TSPAN3: variants seen among roughly 807,000 people sequenced by gnomAD.
TSPAN3 encodes the protein tetraspanin-3.
TSPAN3 carries 9 observed loss-of-function variants against 31.1 expected under a neutral mutation model. That is an observed-to-expected ratio of 0.29 (90% CI 0.17 to 0.50). The LOEUF is 0.50. Among genes scored for constraint, TSPAN3 ranks in the 20% least tolerant of loss-of-function variants. The pLI, the probability that TSPAN3 is intolerant of heterozygous loss-of-function variation, is 0.98. For missense variants in TSPAN3, 252 were observed against 313.5 expected, an observed-to-expected ratio of 0.80 and a Z score of 1.48; for synonymous variants, 129 against 114.3, an observed-to-expected ratio of 1.13 and a Z score of -0.82.
intron 1 of TSPAN3, among the ~76,000 whole-genome samples, chr15:77,062,968 T>C (rs934237847): frequency 6.3e-4 from 96 of 152,344 alleles, no homozygotes; most frequent in African/African-American, 2.2e-3. Flanking sequence ...TTATGGGTGA[T>C]ACCAGTTTGC....
At chr15:77,055,977 G>T (rs1170715084) in intron 2 of TSPAN3, 87 bp downstream of exon 2, 3 of 1,518,182 alleles carry the variant, frequency 2.0e-6, no homozygotes, top group Non-Finnish European at 2.7e-6. Flanking sequence ...TGTTAACTCT[G>T]TTCCAACTAT....
chr15:77,051,947 G>A (rs1311120485), intron 6 of TSPAN3, among the ~76,000 whole-genome samples: 1 of 151,886 alleles, frequency 6.6e-6, no homozygotes, highest in East Asian at 1.9e-4. Context: ...AAACCTGTGA[G>A]GACAGAAAAA....
intron 1 of TSPAN3, among the ~76,000 whole-genome samples, chr15:77,060,709 G>T (rs1207799203): frequency 6.6e-6 from 1 of 152,130 alleles, no homozygotes; most frequent in Admixed American, 6.5e-5. Context: ...GAGGGGGCTG[G>T]GGAGGAGGGA....
chr15:77,055,692 G>C, intron 3 of TSPAN3, 97 bp downstream of exon 3: 1 of 984,500 alleles, frequency 1.0e-6, no homozygotes, highest in Non-Finnish European at 1.5e-6. Flanking sequence ...TAAGGCAAAA[G>C]AAAATGTTTA....
In TSPAN3 at chr15:77,071,042, G is replaced by C; in HGVS notation, c.-88C>G. On this transcript the variant is annotated 5_prime_UTR_variant, in exon 1 of 7. Transcript: ENST00000267970. ...AATGGCGGCGGCGCCTCCTCGCTAGGAACTGCACGGCCTGCGCGGCGCTCC... is the reference window on the plus strand; with the variant it reads ...AATGGCGGCGGCGCCTCCTCGCTAGCAACTGCACGGCCTGCGCGGCGCTCC... 1 of 955,506 alleles carries C rather than the reference G, an allele frequency of 1.0e-6. No homozygotes were observed. Among genetic ancestry groups the C allele is most frequent in the South Asian group, 2.7e-5 (1 of 36,478 alleles). 59.2% of individuals were successfully genotyped at this position (955,506 alleles called of 1,614,324 possible). A position where few individuals can be genotyped will look rare whatever the true frequency, so the allele number is the denominator to read the frequency against.
In TSPAN3 at chr15:77,044,897, T is replaced by C. The variant is rs1568536164; in HGVS notation, c.*1938A>G. On this transcript the variant is annotated 3_prime_UTR_variant, in exon 7 of 7. Transcript: ENST00000267970. The stretch of plus-strand genomic sequence containing the variant: ...TGGTAGTGAAAGGTCACAAACATTC[T>C]TGCCCACTGTGCAACAGGCAGGGGC... 1 of 152,150 alleles carries C rather than the reference T, an allele frequency of 6.6e-6. No individual in the cohort carries two copies. Among genetic ancestry groups the C allele is most frequent in the Non-Finnish European group, 1.5e-5 (1 of 68,056 alleles). The allele number at this position is 152,150 out of a possible 1,614,324, so 9.4% of individuals were successfully genotyped here.
In TSPAN3 at chr15:77,061,974, T is replaced by G. The variant is rs573181334; in HGVS notation, c.64-5719A>C. 7.9e-5 allele frequency among the ~76,000 whole-genome samples: 12 copies of G among 152,262 alleles called. No homozygotes were observed. The South Asian group carries it at 2.5e-3, about 32-fold the overall frequency. On this transcript the variant is annotated intron_variant, in intron 1 of 6. Transcript: ENST00000267970. ...AGTAAAGTAGAAGTGACTGGAGTGT[T>G]GAGAGAAAGGAAAAAAGTCAAGAAG...
chr15:77,053,857 A>ACT (rs2076750013), intron 4 of TSPAN3, among the ~76,000 whole-genome samples: 1 of 151,960 alleles, frequency 6.6e-6, no homozygotes, highest in Admixed American at 6.6e-5. Flanking sequence ...CCTCCCCTGG[A>ACT]GTCAATCTGG....
rs2076660042 is a variant in TSPAN3 at position 77,041,477 on chromosome 15, C to T, written c.*5358G>A. 6.6e-6 allele frequency: 1 copy of T among 151,720 alleles called. No homozygotes were observed. The highest frequency in any genetic ancestry group is 1.5e-5 in the Non-Finnish European group (1 of 67,992). The allele number at this position is 151,720 out of a possible 1,614,324, so 9.4% of individuals were successfully genotyped here. ...CTCGGCTCACTGCAACCTCTGCCTC[C>T]CGGTTCAAGCGATTCTCCTGCCTCA... is the stretch of plus-strand genomic sequence containing the variant. On this transcript the variant is annotated 3_prime_UTR_variant, in exon 7 of 7. Coordinates refer to ENST00000267970, the MANE Select transcript of TSPAN3 (RefSeq NM_005724.6).
intron 1 of TSPAN3, among the ~76,000 whole-genome samples, chr15:77,070,508 T>C (rs866321013): frequency 6.6e-6 from 1 of 151,966 alleles, no homozygotes; most frequent in African/African-American, 2.4e-5. Flanking sequence ...CCTGAGCCTC[T>C]GGCGAAGATC....
chr15:77,071,080 CGCCG>C lies in TSPAN3; in HGVS notation c.-130_-127del. The C allele has an allele frequency of 1.7e-6, 1 of 574,878 alleles. No individual in the cohort carries two copies. The highest frequency in any genetic ancestry group is 2.5e-6 in the Non-Finnish European group (1 of 400,782). The allele number at this position is 574,878 out of a possible 1,614,324, so 35.6% of individuals were successfully genotyped here. On this transcript the variant is annotated 5_prime_UTR_variant, in exon 1 of 7. Coordinates refer to ENST00000267970, the MANE Select transcript of TSPAN3 (RefSeq NM_005724.6). The stretch of plus-strand genomic sequence containing the variant: ...TGCGCGGCGCTCCCCGCAGCCCCTG[CGCCG>C]TCGCGCAGCCCCGACCCCAGCAAGT...
chr15:77,048,726 ACT>A (rs1454152013), intron 6 of TSPAN3, among the ~76,000 whole-genome samples: 3 of 152,158 alleles, frequency 2.0e-5, no homozygotes, highest in Admixed American at 6.5e-5. Context: ...GCAATGAAAT[ACT>A]CTCTTGCAAT....
chr15:77,046,564 C>T lies in TSPAN3; in HGVS notation c.*271G>A. 2.1e-6 allele frequency: 1 copy of T among 484,342 alleles called. No homozygotes were observed. The highest frequency in any genetic ancestry group is 3.6e-6 in the Non-Finnish European group (1 of 275,036). The allele number at this position is 484,342 out of a possible 1,614,324, so 30.0% of individuals were successfully genotyped here. On this transcript the variant is annotated 3_prime_UTR_variant, in exon 7 of 7. Coordinates refer to ENST00000267970, the MANE Select transcript of TSPAN3 (RefSeq NM_005724.6). ...AGGCTCGTGTCCTCCTTTAATTCTACCACACTACATGACTCGCAATTGGTT... is the reference window on the plus strand; with the variant it reads ...AGGCTCGTGTCCTCCTTTAATTCTATCACACTACATGACTCGCAATTGGTT...
chr15:77,049,983 T>C (rs1440529582), intron 6 of TSPAN3, among the ~76,000 whole-genome samples: 1 of 152,218 alleles, frequency 6.6e-6, no homozygotes, highest in Non-Finnish European at 1.5e-5. Context: ...GTTGACACTC[T>C]GTGTGATGGT....
rs116490703 is a variant in TSPAN3 at position 77,041,814 on chromosome 15, G to A, written c.*5021C>T. 6.6e-6 allele frequency: 1 copy of A among 152,168 alleles called. No individual in the cohort carries two copies. Among genetic ancestry groups the A allele is most frequent in the Non-Finnish European group, 1.5e-5 (1 of 68,030 alleles). 9.4% of individuals were successfully genotyped at this position (152,168 alleles called of 1,614,324 possible). On this transcript the variant is annotated 3_prime_UTR_variant, in exon 7 of 7. Coordinates refer to ENST00000267970, the MANE Select transcript of TSPAN3 (RefSeq NM_005724.6). ...ATACAGGCAGTGGTTCTATAGCATGGTGAATGTACTCAAGGCAACTTCTTT... is the reference window on the plus strand; with the variant it reads ...ATACAGGCAGTGGTTCTATAGCATGATGAATGTACTCAAGGCAACTTCTTT...
chr15:77,070,285 A>G (rs1452472925), intron 1 of TSPAN3, among the ~76,000 whole-genome samples: 1 of 152,200 alleles, frequency 6.6e-6, no homozygotes, highest in African/African-American at 2.4e-5. Flanking sequence ...GGTCACCCCC[A>G]TGACCAAAAC....
chr15:77,066,305 C>T (rs944955433), intron 1 of TSPAN3, among the ~76,000 whole-genome samples: 128 of 152,270 alleles, frequency 8.4e-4, no homozygotes, highest in African/African-American at 2.9e-3. Context: ...GGCGCGGTGG[C>T]TCACGCCTGT....
rs949667004 is a variant in TSPAN3, at chr15:77,071,096, C to T, written c.-142G>A. The T allele has an allele frequency of 8.5e-6, 4 of 469,026 alleles. No individual in the cohort carries two copies. The South Asian group carries it at 2.3e-4, about 27-fold the overall frequency. 29.1% of individuals were successfully genotyped at this position (469,026 alleles called of 1,614,324 possible). A position where few individuals can be genotyped will look rare whatever the true frequency, so the allele number is the denominator to read the frequency against. On this transcript the variant is annotated 5_prime_UTR_variant, in exon 1 of 7. Coordinates refer to ENST00000267970, the MANE Select transcript of TSPAN3 (RefSeq NM_005724.6). ...CAGCCCCTGCGCCGTCGCGCAGCCC[C>T]GACCCCAGCAAGTGCCTCGCTCCTC...
chr15:77,069,834 C>A (rs539457233), intron 1 of TSPAN3: 1 of 152,380 alleles, frequency 6.6e-6, no homozygotes, highest in East Asian at 1.9e-4. Context: ...GCTCTGGCGA[C>A]TGTGGACAGA....
Sources: allele counts gnomAD v4.1 joint callset (sites outside exome capture counted in the v4.1 genomes callset), GRCh38; gene constraint gnomAD v4.1.1; transcripts MANE v1.5; gene names NCBI Gene and HGNC (gene_info 2026-07-23, HGNC 2026-07-21).